TOM1L2: variants seen among roughly 807,000 people sequenced by gnomAD.
TOM1L2 encodes the protein target of myb1 like 2 membrane trafficking protein.
TOM1L2 carries 31 observed loss-of-function variants against 67.9 expected under a neutral mutation model. The ratio of observed to expected loss-of-function variants is 0.46; its 90% CI spans 0.34 to 0.62. TOM1L2 has a LOEUF of 0.62. Ranked by LOEUF, TOM1L2 falls within the 20% of genes least tolerant of loss-of-function variation. The pLI is 0.01. For synonymous variants in TOM1L2, 256 were observed against 254.0 expected (o/e 1.01, Z -0.07); for missense variants, 606 against 663.5 (o/e 0.91, Z 0.95).
chr17:17,898,531 G>A, intron 3 of TOM1L2, 65 bp downstream of exon 3: 1 of 1,551,570 alleles, frequency 6.4e-7, no homozygotes, highest in East Asian at 2.2e-5. Context: ...GCCCTGTGAG[G>A]GGGGCAAGGC....
intron 7 of TOM1L2, among the ~76,000 whole-genome samples, chr17:17,875,269 G>GAA (rs34681423): frequency 1.6e-5 from 2 of 126,628 alleles, no homozygotes; most frequent in Admixed American, 1.6e-4. Context: ...AAGAAAAAAA[G>GAA]AAAAAAAAAA....
chr17:17,937,618 G>A (rs2040560533), intron 1 of TOM1L2, among the ~76,000 whole-genome samples: 1 of 152,206 alleles, frequency 6.6e-6, no homozygotes, highest in African/African-American at 2.4e-5. Context: ...GGTATCATGT[G>A]CTCTCAGCTC....
chr17:17,933,040 G>C (rs1196577034), intron 1 of TOM1L2, among the ~76,000 whole-genome samples: 1 of 152,196 alleles, frequency 6.6e-6, no homozygotes, highest in African/African-American at 2.4e-5. Flanking sequence ...TAAACAGATG[G>C]GGGTTATTTT....
In TOM1L2 at chr17:17,933,825, G is replaced by C. The variant is rs2040420204; in HGVS notation, c.53-26294C>G. ...GCATCCAACACTGGGGTGTGAAAAAGTATTGGCTTATTTTTTTAATCAAAT... is the reference window on the plus strand; with the variant it reads ...GCATCCAACACTGGGGTGTGAAAAACTATTGGCTTATTTTTTTAATCAAAT... On this transcript the variant is annotated intron_variant, in intron 1 of 14. Transcript: ENST00000379504. Among the ~76,000 whole-genome samples the C allele has an allele frequency of 2.0e-5, 3 of 152,310 alleles. No individual in the cohort carries two copies. In the South Asian group the frequency reaches 6.2e-4, roughly 32 times the overall value.
At chr17:17,945,278 A>C (rs1025233734) in intron 1 of TOM1L2, among the ~76,000 whole-genome samples, 53 of 151,428 alleles carry the variant, frequency 3.5e-4, no homozygotes, top group Non-Finnish European at 5.9e-5. Flanking sequence ...ACACACACAC[A>C]CACACACACA....
chr17:17,848,912 G>A (rs1361642556), intron 13 of TOM1L2, 53 bp from the exon 14 acceptor site: 142 of 1,599,062 alleles, frequency 8.9e-5, no homozygotes, highest in Admixed American at 2.0e-4. Flanking sequence ...AGCACTGCCC[G>A]CCCAGCCACC....
At chr17:17,916,264 G>A (rs1430026867) in intron 1 of TOM1L2, among the ~76,000 whole-genome samples, 2 of 151,910 alleles carry the variant, frequency 1.3e-5, no homozygotes, top group Non-Finnish European at 2.9e-5. Context: ...TAGTAGAGAC[G>A]GGGTTTCACT....
intron 14 of TOM1L2, among the ~76,000 whole-genome samples, chr17:17,848,273 G>A (rs979576760): frequency 1.2e-4 from 18 of 152,184 alleles, no homozygotes; most frequent in Admixed American, 5.9e-4. Context: ...CCTGCGGAGC[G>A]GTCTGGCCAC....
intron 1 of TOM1L2, among the ~76,000 whole-genome samples, chr17:17,908,654 G>C (rs1408534565): frequency 6.6e-6 from 1 of 152,114 alleles, no homozygotes; most frequent in African/African-American, 2.4e-5. Context: ...CTCCAAAGAA[G>C]ATATATAAAT....
At chr17:17,953,203 T>G (rs1286677561) in intron 1 of TOM1L2, among the ~76,000 whole-genome samples, 1 of 152,180 alleles carries the variant, frequency 6.6e-6, no homozygotes, top group East Asian at 1.9e-4. Context: ...CTGCTTGAAC[T>G]GGGGAGGCAG....
intron 9 of TOM1L2, among the ~76,000 whole-genome samples, 170 bp downstream of exon 9, chr17:17,866,706 T>A (rs917532317): frequency 6.6e-6 from 1 of 152,174 alleles, no homozygotes; most frequent in Non-Finnish European, 1.5e-5. Flanking sequence ...CACCTTCCCA[T>A]CAGGGGTGCC....
chr17:17,907,925 T>C (rs2039170563), intron 1 of TOM1L2, among the ~76,000 whole-genome samples: 1 of 152,172 alleles, frequency 6.6e-6, no homozygotes, highest in Non-Finnish European at 1.5e-5. Context: ...CCAAAGCTAG[T>C]GAAAACAACA....
At chr17:17,850,353 C>T (rs1292873244) in intron 13 of TOM1L2, among the ~76,000 whole-genome samples, 1 of 152,086 alleles carries the variant, frequency 6.6e-6, no homozygotes, top group African/African-American at 2.4e-5. Flanking sequence ...CATCTTCTAG[C>T]CCTATCTCTG....
chr17:17,843,875 C>T lies in TOM1L2; in HGVS notation c.*3760G>A, dbSNP rs2035508724. 6.6e-6 allele frequency: 1 copy of T among 152,440 alleles called. No individual in the cohort carries two copies. Among genetic ancestry groups the T allele is most frequent in the African/African-American group, 2.4e-5 (1 of 41,444 alleles). The allele number at this position is 152,440 out of a possible 1,614,324, so 9.4% of individuals were successfully genotyped here. A position where few individuals can be genotyped will look rare whatever the true frequency, so the allele number is the denominator to read the frequency against. On this transcript the variant is annotated 3_prime_UTR_variant, in exon 15 of 15. Coordinates refer to ENST00000379504, the MANE Select transcript of TOM1L2 (RefSeq NM_001082968.2). ...CTGACTCGGGGGCTGATGGCTGCTCCCTATGGCTGGTGGCCGCAGGGGAAG... is the reference window on the plus strand; with the variant it reads ...CTGACTCGGGGGCTGATGGCTGCTCTCTATGGCTGGTGGCCGCAGGGGAAG...
At chr17:17,881,080 G>T (rs927312031) in intron 6 of TOM1L2, among the ~76,000 whole-genome samples, 2 of 152,184 alleles carry the variant, frequency 1.3e-5, no homozygotes, top group Admixed American at 1.3e-4. Context: ...ACTCAGCTGG[G>T]TTGAGCTTTA....
At chr17:17,868,182 G>A (rs1173087790) in intron 8 of TOM1L2, among the ~76,000 whole-genome samples, 1 of 152,210 alleles carries the variant, frequency 6.6e-6, no homozygotes, top group Non-Finnish European at 1.5e-5. Flanking sequence ...TGGGAGTCAG[G>A]TCCCCTTATA....
chr17:17,902,763 C>A (rs922730173), intron 2 of TOM1L2, among the ~76,000 whole-genome samples: 3 of 152,200 alleles, frequency 2.0e-5, no homozygotes, highest in African/African-American at 7.2e-5. Context: ...CAATGGAAAT[C>A]TTTAAAGTGA....
intron 12 of TOM1L2, 171 bp from the exon 13 acceptor site, chr17:17,851,123 T>G: frequency 1.5e-6 from 1 of 649,668 alleles, no homozygotes; most frequent in Non-Finnish European, 2.7e-6. Flanking sequence ...GGCAGCCACG[T>G]GTGAGATGGC....
intron 4 of TOM1L2, among the ~76,000 whole-genome samples, chr17:17,889,250 G>A (rs890917019): frequency 6.6e-6 from 1 of 152,228 alleles, no homozygotes; most frequent in Admixed American, 6.5e-5. Context: ...AGTGGGGAAA[G>A]GAGGGGTAGG....
Sources: gnomAD v4.1 joint callset for allele counts (sites outside exome capture counted in the v4.1 genomes callset) on GRCh38, gnomAD v4.1.1 for gene constraint, MANE v1.5 for transcripts, NCBI Gene and HGNC (gene_info 2026-07-23, HGNC 2026-07-21) for gene names.